GABRA2: variants seen among roughly 807,000 people sequenced by gnomAD.
GABRA2 encodes gamma-aminobutyric acid receptor subunit alpha-2.
A neutral mutation model predicts 48.7 loss-of-function variants in GABRA2; 16 were observed. The ratio of observed to expected loss-of-function variants is 0.33; its 90% confidence interval spans 0.22 to 0.50. The LOEUF (loss-of-function observed/expected upper bound fraction) is 0.50, where lower values mean the gene tolerates loss of function less well. Among genes scored for constraint, GABRA2 ranks in the 20% least tolerant of loss-of-function variants. The pLI, the probability that GABRA2 is intolerant of heterozygous loss-of-function variation, is 0.98. For missense variants in GABRA2, 275 were observed against 535.6 expected, an observed-to-expected ratio of 0.51 and a Z score of 4.80; for synonymous variants, 185 against 184.5, an observed-to-expected ratio of 1.00 and a Z score of -0.02.
intron 3 of GABRA2, among the ~76,000 whole-genome samples, chr4:46,344,013 T>C (rs1733734368): frequency 6.6e-6 from 1 of 151,950 alleles, no homozygotes; most frequent in African/African-American, 2.4e-5. Flanking sequence ...TACAGAACAA[T>C]GCCAGATAAT....
chr4:46,382,112 C>T (rs1716835709), intron 3 of GABRA2, among the ~76,000 whole-genome samples: 2 of 151,768 alleles, frequency 1.3e-5, no homozygotes, highest in South Asian at 2.1e-4. Flanking sequence ...ATAGAGCATA[C>T]ATTCTAGCAA....
At chr4:46,372,483 G>T (rs1451573782) in intron 3 of GABRA2, among the ~76,000 whole-genome samples, 1 of 151,996 alleles carries the variant, frequency 6.6e-6, no homozygotes, top group Non-Finnish European at 1.5e-5. Flanking sequence ...ACTAAGGAAG[G>T]TGATTAAAAA....
intron 3 of GABRA2, among the ~76,000 whole-genome samples, chr4:46,349,705 C>T (rs772105275): frequency 3.3e-5 from 5 of 151,916 alleles, no homozygotes; most frequent in Non-Finnish European, 7.4e-5. Flanking sequence ...CAAAAAGAAA[C>T]TCAGTACTTA....
chr4:46,299,218 C>T (rs1191920819), intron 8 of GABRA2, among the ~76,000 whole-genome samples: 2 of 151,646 alleles, frequency 1.3e-5, no homozygotes, highest in Non-Finnish European at 3.0e-5. Context: ...TTTGGTTTGG[C>T]AGACATATCC....
chr4:46,336,109 T>C (rs777716790), intron 3 of GABRA2, among the ~76,000 whole-genome samples: 22 of 152,212 alleles, frequency 1.4e-4, no homozygotes, highest in Non-Finnish European at 2.8e-4. Context: ...CTGTTCACTA[T>C]TATGTCATGA....
chr4:46,382,298 T>C (rs1716865532), intron 3 of GABRA2, among the ~76,000 whole-genome samples: 1 of 151,986 alleles, frequency 6.6e-6, no homozygotes, highest in Admixed American at 6.6e-5. Flanking sequence ...TTTCATTAAG[T>C]TGGTCAGGGT....
At chr4:46,361,699 A>G (rs1311195585) in intron 3 of GABRA2, among the ~76,000 whole-genome samples, 1 of 152,206 alleles carries the variant, frequency 6.6e-6, no homozygotes, top group Non-Finnish European at 1.5e-5. Context: ...GCAACTGAAA[A>G]AGCTGAAAAC....
intron 3 of GABRA2, among the ~76,000 whole-genome samples, chr4:46,333,555 G>T (rs938444235): frequency 4.6e-5 from 7 of 152,110 alleles, no homozygotes; most frequent in African/African-American, 1.7e-4. Flanking sequence ...AACATGAATT[G>T]TTTTTTGTAT....
At chr4:46,342,499 T>C (rs752543275) in intron 3 of GABRA2, among the ~76,000 whole-genome samples, 3 of 152,062 alleles carry the variant, frequency 2.0e-5, no homozygotes, top group Non-Finnish European at 4.4e-5. Flanking sequence ...CCATAGCCTG[T>C]TACTTTGTTT....
intron 8 of GABRA2, among the ~76,000 whole-genome samples, chr4:46,300,343 C>A (rs1417429032): frequency 1.3e-5 from 2 of 151,924 alleles, no homozygotes; most frequent in Non-Finnish European, 2.9e-5. Flanking sequence ...AAATTAACAT[C>A]TTTTCCTTTT....
chr4:46,335,231 G>T (rs1415350887), intron 3 of GABRA2, among the ~76,000 whole-genome samples: 1 of 152,092 alleles, frequency 6.6e-6, no homozygotes, highest in Non-Finnish European at 1.5e-5. Context: ...TAGAATACAG[G>T]TTATTCTAAT....
At chr4:46,384,390 A>C (rs1325435749) in intron 3 of GABRA2, among the ~76,000 whole-genome samples, 1 of 152,236 alleles carries the variant, frequency 6.6e-6, no homozygotes, top group Non-Finnish European at 1.5e-5. Context: ...CTAATTAACA[A>C]GGTAATGTAA....
intron 8 of GABRA2, among the ~76,000 whole-genome samples, chr4:46,291,661 A>G (rs1464627362): frequency 1.3e-5 from 2 of 151,918 alleles, no homozygotes; most frequent in Non-Finnish European, 2.9e-5. Context: ...TTCGCACCCC[A>G]AGTTCTTCAG....
Position 46,361,810 on chromosome 4 carries a change from C to T in GABRA2, c.187+24264G>A, listed in dbSNP as rs529979097. On this transcript the variant is annotated intron_variant, in intron 3 of 9. Transcript: ENST00000381620. ...CATGGTAGCCCACCTCTTGCATCAG[C>T]ATTACCTGGATGTGAGACATAGAGT... is the stretch of plus-strand genomic sequence containing the variant. Among the ~76,000 whole-genome samples, 96 of 152,348 alleles carry T rather than the reference C, an allele frequency of 6.3e-4. 1 individual carries two copies. The highest frequency in any genetic ancestry group is 2.2e-3 in the African/African-American group (91 of 41,584).
At chr4:46,278,298 T>C (rs556152374) in intron 8 of GABRA2, among the ~76,000 whole-genome samples, 1 of 152,236 alleles carries the variant, frequency 6.6e-6, no homozygotes, top group South Asian at 2.1e-4. Context: ...CCTTCACACA[T>C]ATGGTTCCAT....
intron 4 of GABRA2, among the ~76,000 whole-genome samples, chr4:46,323,322 T>A (rs979793349): frequency 6.6e-6 from 1 of 151,968 alleles, no homozygotes; most frequent in African/African-American, 2.4e-5. Flanking sequence ...TTTACTAAAC[T>A]CAACAAGCTC....
intron 9 of GABRA2, among the ~76,000 whole-genome samples, chr4:46,260,043 C>A (rs1220027620): frequency 6.6e-6 from 1 of 151,080 alleles, no homozygotes; most frequent in African/African-American, 2.4e-5. Context: ...TTTTTTTTTA[C>A]AAAACTTTCC....
chr4:46,346,931 C>A (rs1171177006), intron 3 of GABRA2, among the ~76,000 whole-genome samples: 1 of 151,818 alleles, frequency 6.6e-6, no homozygotes, highest in African/African-American at 2.4e-5. Flanking sequence ...ATTAAAGCTG[C>A]AAACTACAAA....
chr4:46,282,954 G>C (rs1721812221), intron 8 of GABRA2, among the ~76,000 whole-genome samples: 2 of 152,122 alleles, frequency 1.3e-5, no homozygotes, highest in African/African-American at 2.4e-5. Flanking sequence ...AGGTACAGAG[G>C]GGTTAAGAAA....
Sources: allele counts gnomAD v4.1 joint callset (sites outside exome capture counted in the v4.1 genomes callset), GRCh38; gene constraint gnomAD v4.1.1; transcripts MANE v1.5; gene names NCBI Gene and HGNC (gene_info 2026-07-23, HGNC 2026-07-21).